Variants in DPP10 observed in about 807,000 individuals in gnomAD.
The protein encoded by DPP10 is dipeptidyl peptidase like 10, also known as inactive dipeptidyl peptidase 10.
In DPP10, 33 loss-of-function variants were observed where a neutral mutation model predicts 120.9. That is an observed-to-expected ratio of 0.27 (90% confidence interval 0.21 to 0.37). The LOEUF is 0.37. DPP10 is among the 10% of genes least tolerant of loss of function. The probability of loss-of-function intolerance (pLI) is 1.00; values close to 1 mark genes in which losing one functional copy is unlikely to be tolerated. For synonymous variants in DPP10, 337 were observed against 326.1 expected, an observed-to-expected ratio of 1.03 and a Z score of -0.36; for missense variants, 816 against 942.8, an observed-to-expected ratio of 0.87 and a Z score of 1.76.
intron 1 of DPP10, among the ~76,000 whole-genome samples, chr2:114,739,652 C>G (rs558162003): frequency 6.6e-6 from 1 of 152,232 alleles, no homozygotes; most frequent in Non-Finnish European, 1.5e-5. Flanking sequence ...GAGCAAGACT[C>G]CATCACACAC....
chr2:115,678,628 A>G (rs1018704584), intron 5 of DPP10, among the ~76,000 whole-genome samples: 1 of 152,202 alleles, frequency 6.6e-6, no homozygotes, highest in African/African-American at 2.4e-5. Flanking sequence ...TTGGAGCCCT[A>G]CACAGAGTCC....
intron 1 of DPP10, among the ~76,000 whole-genome samples, chr2:115,241,044 G>T (rs2058250294): frequency 6.6e-6 from 1 of 152,190 alleles, no homozygotes; most frequent in South Asian, 2.1e-4. Context: ...TCCAAGGCAG[G>T]CAGATCACGA....
chr2:114,568,162 T>G (rs1020500661), intron 1 of DPP10, among the ~76,000 whole-genome samples: 1 of 151,884 alleles, frequency 6.6e-6, no homozygotes, highest in Non-Finnish European at 1.5e-5. Context: ...TTCCCCATAG[T>G]TTTTTTTCTT....
At chr2:114,942,320 T>TATAC (rs869121143) in intron 1 of DPP10, among the ~76,000 whole-genome samples, 2,383 of 123,938 alleles carry the variant, frequency 0.019, 48 homozygotes, top group Non-Finnish European at 0.026. Flanking sequence ...TATATATATA[T>TATAC]ACACACACAT....
At chr2:115,595,577 A>G (rs1364686165) in intron 5 of DPP10, among the ~76,000 whole-genome samples, 1 of 152,142 alleles carries the variant, frequency 6.6e-6, no homozygotes, top group Non-Finnish European at 1.5e-5. Flanking sequence ...TTTAATTTAT[A>G]GAAAAAATGA....
At chr2:115,766,384 A>G (rs1282884711) in intron 12 of DPP10, among the ~76,000 whole-genome samples, 2 of 144,962 alleles carry the variant, frequency 1.4e-5, no homozygotes, top group African/African-American at 5.1e-5. Context: ...TACCCCCACC[A>G]TTAAAAGTAA....
intron 1 of DPP10, among the ~76,000 whole-genome samples, chr2:115,171,962 A>G (rs556174956): frequency 6.6e-6 from 1 of 152,298 alleles, no homozygotes; most frequent in South Asian, 2.1e-4. Context: ...TCACTACTCC[A>G]GTGAAATGGC....
intron 1 of DPP10, among the ~76,000 whole-genome samples, chr2:114,840,286 A>C (rs1688055335): frequency 1.3e-5 from 2 of 152,178 alleles, no homozygotes; most frequent in Admixed American, 6.6e-5. Flanking sequence ...GAAAGGAAGA[A>C]GGAGTAAGGT....
chr2:115,023,701 G>A (rs1703244542), intron 1 of DPP10, among the ~76,000 whole-genome samples: 2 of 152,032 alleles, frequency 1.3e-5, no homozygotes, highest in South Asian at 2.1e-4. Context: ...CATGTTTATA[G>A]CAGCACTATT....
chr2:114,612,342 G>A (rs550015024), intron 1 of DPP10, among the ~76,000 whole-genome samples: 36 of 152,240 alleles, frequency 2.4e-4, no homozygotes, highest in African/African-American at 7.9e-4. Context: ...CCTCTTGGAA[G>A]GATTCCAAAT....
At chr2:115,267,700 T>C (rs1448525003) in intron 1 of DPP10, among the ~76,000 whole-genome samples, 1 of 152,148 alleles carries the variant, frequency 6.6e-6, no homozygotes, top group African/African-American at 2.4e-5. Context: ...TAGCCCCACA[T>C]GCTTATTCTT....
chr2:115,085,759 TA>T (rs1004232404), intron 1 of DPP10, among the ~76,000 whole-genome samples: 1 of 152,042 alleles, frequency 6.6e-6, no homozygotes, highest in African/African-American at 2.4e-5. Context: ...AACTGTTTTA[TA>T]AAATATGTTT....
At chr2:115,450,758 G>T (rs1201000118) in intron 3 of DPP10, among the ~76,000 whole-genome samples, 1 of 151,802 alleles carries the variant, frequency 6.6e-6, no homozygotes, top group Non-Finnish European at 1.5e-5. Flanking sequence ...GACTCTGAAT[G>T]TTCAGGAAAC....
rs1001298782 is a variant in DPP10 at position 114,600,016 on chromosome 2, T to C, written c.60+157178T>C. ...ATGTATCTAGGGTCTATTTTTTTAA[T>C]GTGTATTCTGTTTGGGATTCATTGA... On this transcript the variant is annotated intron_variant, in intron 1 of 25. Coordinates refer to ENST00000410059, the MANE Select transcript of DPP10 (RefSeq NM_020868.6). 2.6e-5 allele frequency among the ~76,000 whole-genome samples: 4 copies of C among 151,848 alleles called. No homozygotes were observed. In the South Asian group the frequency reaches 6.2e-4, roughly 24 times the overall value.
At chr2:114,918,924 C>T (rs1574484988) in intron 1 of DPP10, among the ~76,000 whole-genome samples, 1 of 150,178 alleles carries the variant, frequency 6.7e-6, no homozygotes, top group East Asian at 2.0e-4. Context: ...AGCAAACGTG[C>T]ACACGTACCC....
At chr2:114,802,453 T>A (rs911301494) in intron 1 of DPP10, among the ~76,000 whole-genome samples, 1 of 152,182 alleles carries the variant, frequency 6.6e-6, no homozygotes, top group Non-Finnish European at 1.5e-5. Flanking sequence ...ATAAAACCTA[T>A]AAATATCACT....
intron 1 of DPP10, among the ~76,000 whole-genome samples, chr2:114,936,790 GGAGT>G (rs1285914455): frequency 6.6e-6 from 1 of 152,092 alleles, no homozygotes; most frequent in African/African-American, 2.4e-5. Flanking sequence ...CATTCTTGTA[GGAGT>G]GAGGTGTTAT....
intron 1 of DPP10, among the ~76,000 whole-genome samples, chr2:115,220,565 A>T (rs922788969): frequency 2.0e-5 from 3 of 152,150 alleles, no homozygotes; most frequent in Non-Finnish European, 4.4e-5. Context: ...TAAAAATTTA[A>T]AAAAGGAAAA....
chr2:114,477,973 GTGTATATATGTACATATA>G (rs1680664691), intron 1 of DPP10, among the ~76,000 whole-genome samples: 1 of 147,454 alleles, frequency 6.8e-6, no homozygotes, highest in Admixed American at 6.8e-5. Flanking sequence ...ATGTATATAT[GTGTATATATGTACATATA>G]TGTGTATATA....
Sources: gnomAD v4.1 joint callset for allele counts (sites outside exome capture counted in the v4.1 genomes callset) on GRCh38, gnomAD v4.1.1 for gene constraint, MANE v1.5 for transcripts, NCBI Gene and HGNC (gene_info 2026-07-23, HGNC 2026-07-21) for gene names.